Variants in ARHGEF26 observed in about 807,000 individuals in gnomAD.
ARHGEF26 encodes the protein Rho guanine nucleotide exchange factor (GEF) 26.
Under a neutral mutation model 89.4 loss-of-function variants are expected in ARHGEF26, and 59 were observed. The ratio of observed to expected loss-of-function variants is 0.66; its 90% confidence interval spans 0.54 to 0.82. ARHGEF26 has a LOEUF of 0.82. Among genes scored for constraint, ARHGEF26 ranks in the 40% least tolerant of loss-of-function variants. The pLI, the probability that ARHGEF26 is intolerant of heterozygous loss-of-function variation, is 0.00. For missense variants in ARHGEF26, 1,234 were observed against 1,085.6 expected (o/e 1.14, Z -1.92); for synonymous variants, 500 against 428.4 (o/e 1.17, Z -2.06).
intron 5 of ARHGEF26, among the ~76,000 whole-genome samples, chr3:154,152,071 G>A (rs995754566): frequency 4.6e-5 from 7 of 152,200 alleles, no homozygotes; most frequent in African/African-American, 1.7e-4. Flanking sequence ...ACCACTGTGT[G>A]CCTGCCACTG....
chr3:154,187,245 A>G lies in ARHGEF26; in HGVS notation c.1488-440A>G, dbSNP rs6805540. The G allele has an allele frequency of 2.3e-3, 2,268 of 973,172 alleles. 39 individuals carry two copies. The African/African-American group carries it at 0.037, about 16-fold the overall frequency. The allele number at this position is 973,172 out of a possible 1,614,324, so 60.3% of individuals were successfully genotyped here. A position where few individuals can be genotyped will look rare whatever the true frequency, so the allele number is the denominator to read the frequency against. On this transcript the variant is annotated intron_variant, in intron 6 of 14. Coordinates refer to ENST00000465093, the MANE Select transcript of ARHGEF26 (RefSeq NM_015595.4). ...AGGTGTTTTGCTCATGTATTTTTCC[A>G]TACAATAAAATATATAAGCATTCAC...
chr3:154,193,444 A>G (rs1026851157), intron 8 of ARHGEF26, among the ~76,000 whole-genome samples: 22 of 152,268 alleles, frequency 1.4e-4, no homozygotes, highest in African/African-American at 5.1e-4. Flanking sequence ...TGACTTTCAG[A>G]TGGCTTGGCT....
intron 9 of ARHGEF26, among the ~76,000 whole-genome samples, chr3:154,213,517 T>A (rs1715528473): frequency 6.6e-6 from 1 of 152,152 alleles, no homozygotes; most frequent in South Asian, 2.1e-4. Context: ...GCACCTTTGG[T>A]TTCTTTAGGA....
intron 8 of ARHGEF26, among the ~76,000 whole-genome samples, chr3:154,191,808 C>G (rs562230806): frequency 6.6e-6 from 1 of 152,298 alleles, no homozygotes; most frequent in African/African-American, 2.4e-5. Flanking sequence ...ATCCCTTCAT[C>G]TATAATGTTC....
chr3:154,142,050 G>A (rs1289803092), intron 4 of ARHGEF26, among the ~76,000 whole-genome samples: 1 of 152,180 alleles, frequency 6.6e-6, no homozygotes, highest in Non-Finnish European at 1.5e-5. Context: ...TTGAAAGGAT[G>A]TAGGACAGAA....
At chr3:154,222,046 T>C (rs1265772535) in intron 10 of ARHGEF26, among the ~76,000 whole-genome samples, 3 of 152,246 alleles carry the variant, frequency 2.0e-5, no homozygotes, top group Non-Finnish European at 2.9e-5. Flanking sequence ...TGTACCCTTA[T>C]TATTAACTTC....
intron 12 of ARHGEF26, among the ~76,000 whole-genome samples, chr3:154,251,005 G>A (rs534259150): frequency 1.3e-5 from 2 of 152,164 alleles, no homozygotes; most frequent in African/African-American, 2.4e-5. Flanking sequence ...CAAGACAGGA[G>A]CCTTGGCTTC....
chr3:154,223,537 T>C (rs548153684), intron 10 of ARHGEF26, among the ~76,000 whole-genome samples: 3 of 152,174 alleles, frequency 2.0e-5, no homozygotes, highest in Non-Finnish European at 4.4e-5. Context: ...TTCTTATACA[T>C]GCCTTGTGGA....
intron 12 of ARHGEF26, among the ~76,000 whole-genome samples, chr3:154,248,915 A>G (rs965320999): frequency 6.6e-5 from 10 of 152,166 alleles, no homozygotes; most frequent in African/African-American, 2.4e-4. Context: ...TTCATGGATC[A>G]GTTTTCTGAA....
chr3:154,242,190 A>G (rs757125341), intron 12 of ARHGEF26, among the ~76,000 whole-genome samples: 1 of 152,220 alleles, frequency 6.6e-6, no homozygotes, highest in Non-Finnish European at 1.5e-5. Flanking sequence ...AAAAAGAAAT[A>G]TATTTCATAA....
At chr3:154,230,593 A>G (rs1716772867) in intron 11 of ARHGEF26, among the ~76,000 whole-genome samples, 1 of 152,130 alleles carries the variant, frequency 6.6e-6, no homozygotes, top group Non-Finnish European at 1.5e-5. Flanking sequence ...CCAGTACCAA[A>G]TCATATTTGT....
chr3:154,249,299 A>C (rs930168740), intron 12 of ARHGEF26, among the ~76,000 whole-genome samples: 1 of 152,146 alleles, frequency 6.6e-6, no homozygotes, highest in Non-Finnish European at 1.5e-5. Context: ...ATTCCATAAG[A>C]AGTGAGACTT....
intron 6 of ARHGEF26, among the ~76,000 whole-genome samples, chr3:154,154,650 C>G (rs1720221641): frequency 6.6e-6 from 1 of 151,656 alleles, no homozygotes; most frequent in Non-Finnish European, 1.5e-5. Flanking sequence ...TATGTATTCC[C>G]CTCACTTTCT....
intron 9 of ARHGEF26, among the ~76,000 whole-genome samples, chr3:154,204,034 C>T (rs1053959617): frequency 1.3e-5 from 2 of 152,074 alleles, no homozygotes; most frequent in African/African-American, 4.8e-5. Flanking sequence ...GAAGTATTCC[C>T]TCCTCCTCTA....
chr3:154,242,438 G>A (rs1051055798), intron 12 of ARHGEF26, among the ~76,000 whole-genome samples: 7 of 152,148 alleles, frequency 4.6e-5, no homozygotes, highest in African/African-American at 1.4e-4. Flanking sequence ...TGGAAATAGC[G>A]AGAGAACTAG....
intron 3 of ARHGEF26, 140 bp downstream of exon 3, chr3:154,124,589 T>G (rs1028185573): frequency 9.4e-6 from 7 of 747,800 alleles, no homozygotes; most frequent in South Asian, 7.1e-5. Flanking sequence ...GTCCAAAGCT[T>G]CTCACTAAGC....
chr3:154,149,897 A>G (rs1446436258), intron 5 of ARHGEF26, among the ~76,000 whole-genome samples: 2 of 151,434 alleles, frequency 1.3e-5, no homozygotes, highest in East Asian at 3.9e-4. Flanking sequence ...TAAATTTAAA[A>G]TTATACCAAA....
rs974070777 is a variant in ARHGEF26, at chr3:154,257,009, A to G, written c.*1536A>G. The G allele has an allele frequency of 3.4e-5, 51 of 1,501,754 alleles. No individual in the cohort carries two copies. The highest frequency in any genetic ancestry group is 4.4e-5 in the Non-Finnish European group (50 of 1,132,202). 93.0% of individuals were successfully genotyped at this position (1,501,754 alleles called of 1,614,324 possible). A position where few individuals can be genotyped will look rare whatever the true frequency, so the allele number is the denominator to read the frequency against. ...TTTAACAAAGGGATAAAACCTGGCAAAGTGTACATTATTGGAGGACTCAAA... is the reference window on the plus strand; with the variant it reads ...TTTAACAAAGGGATAAAACCTGGCAGAGTGTACATTATTGGAGGACTCAAA... On this transcript the variant is annotated 3_prime_UTR_variant, in exon 15 of 15. Transcript: ENST00000465093.
At chr3:154,187,160 G>T (rs1713619371) in intron 6 of ARHGEF26, 1 of 927,134 alleles carries the variant, frequency 1.1e-6, no homozygotes, top group South Asian at 5.0e-5. Flanking sequence ...AGAGTGCTGG[G>T]ATTACACATG....
Sources: allele counts gnomAD v4.1 joint callset (sites outside exome capture counted in the v4.1 genomes callset), GRCh38; gene constraint gnomAD v4.1.1; transcripts MANE v1.5; gene names NCBI Gene and HGNC (gene_info 2026-07-23, HGNC 2026-07-21).